YAP1: variants seen among roughly 807,000 people sequenced by gnomAD.
YAP1 encodes transcriptional coactivator YAP1.
Under a neutral mutation model 56.9 loss-of-function variants are expected in YAP1, and 5 were observed. That is an observed-to-expected ratio of 0.09 (90% CI 0.05 to 0.18). The LOEUF is 0.18. YAP1 is among the 10% of genes least tolerant of loss of function. The pLI is 1.00. For synonymous variants in YAP1, 265 were observed against 248.1 expected, an observed-to-expected ratio of 1.07 and a Z score of -0.64; for missense variants, 539 against 651.8, an observed-to-expected ratio of 0.83 and a Z score of 1.88.
chr11:102,112,545 CTT>C (rs1943019348), intron 1 of YAP1: 1 of 980,702 alleles, frequency 1.0e-6, no homozygotes, highest in Admixed American at 6.5e-5. Context: ...CGGGATGTAA[CTT>C]GAGTGGAAAG....
Position 102,131,113 on chromosome 11 carries a change from G to A in YAP1, c.572+16719G>A, listed in dbSNP as rs74526299. 3.9e-3 allele frequency among the ~76,000 whole-genome samples: 596 copies of A among 152,162 alleles called. 2 individuals are homozygous for A. The highest frequency in any genetic ancestry group is 0.014 in the African/African-American group (564 of 41,514). On this transcript the variant is annotated intron_variant, in intron 2 of 8. Coordinates refer to ENST00000282441, the MANE Select transcript of YAP1 (RefSeq NM_001130145.3). ...GTTCTCTCTCTTCCCTCAAATACTG[G>A]GTGGTTTTCTCAAAAAAGACCCACA... is the stretch of plus-strand genomic sequence containing the variant.
In YAP1 at chr11:102,111,075, A is replaced by G. The variant is rs1942867383; in HGVS notation, c.227A>G (p.Lys76Arg). 1.2e-6 allele frequency: 2 copies of G among 1,613,304 alleles called. No individual in the cohort carries two copies. The highest frequency in any genetic ancestry group is 1.7e-6 in the Non-Finnish European group (2 of 1,179,798). The change falls in exon 1 of 9, where the codon AAG (lysine) becomes AGG (arginine). Residue 76 changes from lysine (K) to arginine (R), a missense_variant. By Grantham distance (26) the Lys-to-Arg change is conservative. This residue lies in a region of YAP1 where 414 missense variants were observed against 512.4 expected (regional missense o/e 0.81). Transcript: ENST00000282441. ...EALFNAVMNP[K>R]TANVPQTVPM... Reference sequence around the variant, plus strand: ...CTCTTCAACGCCGTCATGAACCCCAAGACGGCCAACGTGCCCCAGACCGTG... The same window carrying G: ...CTCTTCAACGCCGTCATGAACCCCAGGACGGCCAACGTGCCCCAGACCGTG...
Position 102,114,338 on chromosome 11 carries a change from T to A in YAP1, c.516T>A (p.Pro172=). ...CTTTTGAGATACCTGATGATGTACC[T>A]CTGCCAGCAGGTTGGGAGATGGCAA... The part of the protein sequence containing the change: ...QSSFEIPDDV[P]LPAGWEMAKT... Residue 172 remains proline, a synonymous_variant, in exon 2 of 9, where the codon CCT becomes CCA. Coordinates refer to ENST00000282441, the MANE Select transcript of YAP1 (RefSeq NM_001130145.3). The A allele has an allele frequency of 6.2e-7, 1 of 1,614,158 alleles. No individual in the cohort carries two copies. The highest frequency in any genetic ancestry group is 2.2e-5 in the East Asian group (1 of 44,886).
At chr11:102,213,465 A>G (rs1949512133) in intron 6 of YAP1, among the ~76,000 whole-genome samples, 1 of 152,094 alleles carries the variant, frequency 6.6e-6, no homozygotes, top group African/African-American at 2.4e-5. Flanking sequence ...CAGCCTGGCG[A>G]AAAGAGCAAA....
At chr11:102,152,529 A>G (rs1293527638) in intron 2 of YAP1, among the ~76,000 whole-genome samples, 1 of 152,158 alleles carries the variant, frequency 6.6e-6, no homozygotes, top group Non-Finnish European at 1.5e-5. Flanking sequence ...GTGGGCCCTT[A>G]ATTAAATGTC....
At chr11:102,130,195 A>G (rs1252272194) in intron 2 of YAP1, among the ~76,000 whole-genome samples, 1 of 152,090 alleles carries the variant, frequency 6.6e-6, no homozygotes, top group East Asian at 1.9e-4. Flanking sequence ...TATTTTTCTG[A>G]GTCAAAAATA....
rs1013631462 is a variant in YAP1 at position 102,119,758 on chromosome 11, G to T, written c.572+5364G>T. 7.9e-5 allele frequency among the ~76,000 whole-genome samples: 12 copies of T among 152,150 alleles called. No homozygotes were observed. The Middle Eastern group carries it at 0.01, about 129-fold the overall frequency. ...GTGAATTCACAGCTTAAAATACTCAGGGTATCATGACTCTGCATTGCCTTG... is the reference window on the plus strand; with the variant it reads ...GTGAATTCACAGCTTAAAATACTCATGGTATCATGACTCTGCATTGCCTTG... On this transcript the variant is annotated intron_variant, in intron 2 of 8. Transcript: ENST00000282441.
intron 2 of YAP1, among the ~76,000 whole-genome samples, chr11:102,118,082 A>T (rs983057054): frequency 6.6e-6 from 1 of 152,152 alleles, no homozygotes; most frequent in African/African-American, 2.4e-5. Context: ...ATGTTCAAAG[A>T]TATGTGTTCT....
Position 102,233,028 on chromosome 11 carries a change from A to G in YAP1, c.*3088A>G, listed in dbSNP as rs557149529. The G allele has an allele frequency of 6.6e-6, 1 of 152,334 alleles. No homozygotes were observed. The highest frequency in any genetic ancestry group is 2.4e-5 in the African/African-American group (1 of 41,580). The allele number at this position is 152,334 out of a possible 1,614,324, so 9.4% of individuals were successfully genotyped here. ...ATTGTGTAATTCAGAATTCATACCA[A>G]TCAGTGTTGAAACTCAAACATTGCA... On this transcript the variant is annotated 3_prime_UTR_variant, in exon 9 of 9. Transcript: ENST00000282441.
Position 102,200,637 on chromosome 11 carries a change from G to A in YAP1, c.803-5256G>A, listed in dbSNP as rs189469930. Among the ~76,000 whole-genome samples, 385 of 152,056 alleles carry A rather than the reference G, an allele frequency of 2.5e-3. 1 individual carries two copies. Among genetic ancestry groups the A allele is most frequent in the African/African-American group, 8.8e-3 (363 of 41,468 alleles). On this transcript the variant is annotated intron_variant, in intron 4 of 8. Transcript: ENST00000282441. The stretch of plus-strand genomic sequence containing the variant: ...TTTTTATATTTTTAGTAGAGATAGG[G>A]TTTCACCATTTTGGTCAGGCTGGTC...
intron 5 of YAP1, 70 bp downstream of exon 5, chr11:102,206,144 A>C: frequency 2.6e-6 from 4 of 1,536,668 alleles, no homozygotes; most frequent in Non-Finnish European, 3.5e-6. Flanking sequence ...GGCAGATTTC[A>C]TTTTAACATT....
intron 6 of YAP1, among the ~76,000 whole-genome samples, chr11:102,219,006 A>G (rs988221948): frequency 6.6e-6 from 1 of 152,212 alleles, no homozygotes; most frequent in African/African-American, 2.4e-5. Context: ...AAGTTGTAAA[A>G]ATAATATGAA....
intron 2 of YAP1, among the ~76,000 whole-genome samples, chr11:102,134,925 T>G (rs1260806483): frequency 6.6e-6 from 1 of 152,156 alleles, no homozygotes; most frequent in African/African-American, 2.4e-5. Context: ...TTTGCCCAGG[T>G]TGGAGTGCAG....
At chr11:102,201,776 G>A (rs987634482) in intron 4 of YAP1, among the ~76,000 whole-genome samples, 4 of 152,020 alleles carry the variant, frequency 2.6e-5, no homozygotes, top group Non-Finnish European at 4.4e-5. Flanking sequence ...ATTTTCTGAA[G>A]GAGAGTACCA....
intron 2 of YAP1, 36 bp from the exon 3 acceptor site, chr11:102,162,420 A>G (rs1352859297): frequency 1.5e-5 from 24 of 1,579,802 alleles, no homozygotes; most frequent in Non-Finnish European, 2.1e-5. Flanking sequence ...GGAACCTGGT[A>G]TTTGTTTCCT....
At chr11:102,148,504 G>A (rs1346134532) in intron 2 of YAP1, among the ~76,000 whole-genome samples, 1 of 151,634 alleles carries the variant, frequency 6.6e-6, no homozygotes, top group Non-Finnish European at 1.5e-5. Flanking sequence ...CTTAACGTGT[G>A]CTACACACTG....
chr11:102,146,668 A>T (rs779450638), intron 2 of YAP1, among the ~76,000 whole-genome samples: 1 of 152,062 alleles, frequency 6.6e-6, no homozygotes, highest in Non-Finnish European at 1.5e-5. Flanking sequence ...CTCAACTCTA[A>T]TATGTCTATT....
intron 2 of YAP1, among the ~76,000 whole-genome samples, chr11:102,137,773 T>A (rs534345596): frequency 1.3e-5 from 2 of 150,926 alleles, no homozygotes; most frequent in Non-Finnish European, 2.9e-5. Context: ...TTTAAAGTCA[T>A]GGAGTTCCTT....
chr11:102,121,709 G>A (rs932256169), intron 2 of YAP1, among the ~76,000 whole-genome samples: 2 of 152,178 alleles, frequency 1.3e-5, no homozygotes, highest in African/African-American at 4.8e-5. Context: ...ATCCACTGTG[G>A]GGCTTGGATC....
Sources: allele counts gnomAD v4.1 joint callset (sites outside exome capture counted in the v4.1 genomes callset), GRCh38; gene constraint gnomAD v4.1.1; regional missense constraint gnomAD v4.1.1; transcripts MANE v1.5; gene names NCBI Gene and HGNC (gene_info 2026-07-23, HGNC 2026-07-21).